The following UTRN variants were observed in gnomAD, a reference collection of about 807,000 sequenced individuals.
The protein encoded by UTRN is utrophin.
A neutral mutation model predicts 463.9 loss-of-function variants in UTRN; 283 were observed. The observed-to-expected ratio is 0.61, with a 90% CI of 0.55 to 0.67. The LOEUF (loss-of-function observed/expected upper bound fraction) is 0.67, where lower values mean the gene tolerates loss of function less well. Ranked by LOEUF, UTRN falls within the 30% of genes least tolerant of loss-of-function variation. The pLI, the probability that UTRN is intolerant of heterozygous loss-of-function variation, is 0.00. For missense variants in UTRN, 3,922 were observed against 4,084.3 expected (o/e 0.96, Z 1.08); for synonymous variants, 1,442 against 1,431.5 (o/e 1.01, Z -0.17).
intron 51 of UTRN, among the ~76,000 whole-genome samples, chr6:144,637,832 C>T (rs146312864): frequency 3.3e-5 from 5 of 152,212 alleles, no homozygotes; most frequent in African/African-American, 9.6e-5. Flanking sequence ...TAATTGCCTA[C>T]GATAGCCTCC....
intron 66 of UTRN, among the ~76,000 whole-genome samples, chr6:144,823,423 T>G (rs745528699): frequency 1.4e-4 from 22 of 152,166 alleles, no homozygotes; most frequent in Non-Finnish European, 2.9e-4. Context: ...TTGTTTATTC[T>G]CCTATTTGTG....
intron 6 of UTRN, among the ~76,000 whole-genome samples, 198 bp downstream of exon 6, chr6:144,424,276 G>T (rs950529577): frequency 1.3e-5 from 2 of 152,204 alleles, no homozygotes; most frequent in Non-Finnish European, 2.9e-5. Flanking sequence ...CTCTGAGGGA[G>T]ACTCTGATCC....
chr6:144,487,222 C>A (rs1584980941), intron 28 of UTRN, among the ~76,000 whole-genome samples: 1 of 152,028 alleles, frequency 6.6e-6, no homozygotes, highest in Non-Finnish European at 1.5e-5. Flanking sequence ...AGGCTGGAGT[C>A]CAGTGGTATG....
intron 25 of UTRN, 69 bp downstream of exon 25, chr6:144,474,828 A>G (rs986944691): frequency 6.5e-7 from 1 of 1,538,102 alleles, no homozygotes; most frequent in Admixed American, 1.9e-5. Flanking sequence ...CAGCTGACTA[A>G]ATGTATTATG....
chr6:144,563,174 G>C (rs990829414), intron 50 of UTRN, among the ~76,000 whole-genome samples: 2 of 152,064 alleles, frequency 1.3e-5, no homozygotes, highest in African/African-American at 4.8e-5. Context: ...TTTTCAAAAG[G>C]TTATTTAAAT....
rs751133169 is a variant in UTRN at position 144,474,674 on chromosome 6, G to A, written c.3251G>A (p.Arg1084Gln). ...KNMKEIETNL[R>Q]SGPVAGIKTW... ...ATGAAGGAAATAGAGACTAATCTTC[G>A]AAGTGGTCCAGTTGCTGGAATAAAA... The change falls in exon 25 of 75, where the codon CGA becomes CAA. Residue 1084 changes from arginine to glutamine, a missense_variant. Physicochemically the swap from Arg to Gln is conservative, Grantham distance 43. Coordinates refer to ENST00000367545, the MANE Select transcript of UTRN (RefSeq NM_007124.3). 5 of 1,613,886 alleles carry A rather than the reference G, an allele frequency of 3.1e-6. No individual in the cohort carries two copies. In the East Asian group the frequency reaches 6.7e-5, roughly 22 times the overall value.
intron 9 of UTRN, among the ~76,000 whole-genome samples, chr6:144,432,724 T>C (rs1012376798): frequency 6.6e-6 from 1 of 151,990 alleles, no homozygotes; most frequent in African/African-American, 2.4e-5. Flanking sequence ...TCTTGGGTGT[T>C]TCTCGCAGAG....
intron 2 of UTRN, among the ~76,000 whole-genome samples, chr6:144,363,566 T>C (rs763369776): frequency 6.6e-5 from 10 of 152,204 alleles, no homozygotes; most frequent in Non-Finnish European, 1.3e-4. Flanking sequence ...TGGGCAGAGA[T>C]ACAAACTCAC....
At chr6:144,643,243 A>G (rs1024858231) in intron 51 of UTRN, among the ~76,000 whole-genome samples, 15 of 152,192 alleles carry the variant, frequency 9.9e-5, no homozygotes, top group South Asian at 2.1e-4. Flanking sequence ...TTTTAAAACT[A>G]GAGAAAGAGT....
chr6:144,714,310 T>C (rs762331895), intron 53 of UTRN, among the ~76,000 whole-genome samples: 33 of 152,192 alleles, frequency 2.2e-4, no homozygotes, highest in Non-Finnish European at 3.5e-4. Context: ...GGGAAAAGAG[T>C]AAATTACATT....
At chr6:144,537,146 T>C (rs1252643476) in intron 43 of UTRN, among the ~76,000 whole-genome samples, 1 of 152,108 alleles carries the variant, frequency 6.6e-6, no homozygotes, top group Admixed American at 6.5e-5. Flanking sequence ...TACCACCTAA[T>C]GTGATAACAT....
intron 33 of UTRN, 131 bp downstream of exon 33, chr6:144,493,587 A>C: frequency 1.0e-6 from 1 of 957,992 alleles, no homozygotes; most frequent in Non-Finnish European, 1.5e-6. Flanking sequence ...GAAAATTATG[A>C]GATTCATACG....
At position 144,426,430 on chromosome 6, in the gene UTRN, C is replaced by T. The variant is rs745417497; in HGVS notation, c.549C>T (p.Leu183=). Reference sequence around the variant, plus strand: ...TCACCACCAGCTGGACAGATGGACTCGCCTTTAATGCTGTCCTCCACCGAC... The same window carrying T: ...TCACCACCAGCTGGACAGATGGACTTGCCTTTAATGCTGTCCTCCACCGAC... The part of the protein sequence containing the change: ...LNFTTSWTDG[L]AFNAVLHRHK... Residue 183 remains leucine, a synonymous_variant, in exon 7 of 75, where the codon CTC becomes CTT. Coordinates refer to ENST00000367545, the MANE Select transcript of UTRN (RefSeq NM_007124.3). The T allele has an allele frequency of 3.0e-5, 48 of 1,613,930 alleles. No individual in the cohort carries two copies. Among genetic ancestry groups the T allele is most frequent in the South Asian group, 6.6e-5 (6 of 91,072 alleles).
intron 51 of UTRN, among the ~76,000 whole-genome samples, chr6:144,629,853 G>C (rs943603651): frequency 5.3e-5 from 8 of 152,200 alleles, no homozygotes; most frequent in Non-Finnish European, 1.0e-4. Flanking sequence ...TGGAGATCTA[G>C]AATATGGAAG....
intron 51 of UTRN, among the ~76,000 whole-genome samples, chr6:144,673,659 G>A (rs1464089966): frequency 1.3e-5 from 2 of 152,112 alleles, no homozygotes; most frequent in Admixed American, 6.5e-5. Context: ...GTATTGAGAT[G>A]TGAGGTACTA....
chr6:144,625,515 G>T (rs927691789), intron 51 of UTRN, among the ~76,000 whole-genome samples: 7 of 152,110 alleles, frequency 4.6e-5, no homozygotes, highest in African/African-American at 1.7e-4. Context: ...GTTTATTTTG[G>T]CATGTAAAGA....
intron 65 of UTRN, among the ~76,000 whole-genome samples, chr6:144,813,434 G>A (rs552810526): frequency 3.3e-5 from 5 of 152,142 alleles, no homozygotes; most frequent in South Asian, 2.1e-4. Flanking sequence ...TGATCCGCCC[G>A]CCTCGGCCTC....
At chr6:144,682,149 C>G (rs1585979736) in intron 52 of UTRN, among the ~76,000 whole-genome samples, 1 of 152,252 alleles carries the variant, frequency 6.6e-6, no homozygotes, top group East Asian at 1.9e-4. Context: ...CCCTGCCCCA[C>G]CAACTACCCT....
intron 73 of UTRN, among the ~76,000 whole-genome samples, chr6:144,845,264 G>A (rs1781920240): frequency 6.6e-6 from 1 of 152,176 alleles, no homozygotes; most frequent in African/African-American, 2.4e-5. Context: ...CCCACTGACT[G>A]CAGTAACTAT....
Sources: gnomAD v4.1 joint callset for allele counts (sites outside exome capture counted in the v4.1 genomes callset) on GRCh38, gnomAD v4.1.1 for gene constraint, MANE v1.5 for transcripts, NCBI Gene and HGNC (gene_info 2026-07-23, HGNC 2026-07-21) for gene names.